The following ATE1 variants were observed in gnomAD, a reference collection of about 807,000 sequenced individuals.
The protein encoded by ATE1 is arginyltransferase 1, also known as arginyl-tRNA--protein transferase 1.
A neutral mutation model predicts 70.5 loss-of-function variants in ATE1; 36 were observed. That is an observed-to-expected ratio of 0.51 (90% CI 0.39 to 0.67). The LOEUF (loss-of-function observed/expected upper bound fraction) is 0.67, where lower values mean the gene tolerates loss of function less well. ATE1 is among the 30% of genes least tolerant of loss of function. ATE1 has a pLI of 0.00. For missense variants in ATE1, 593 were observed against 629.5 expected (o/e 0.94, Z 0.62); for synonymous variants, 232 against 219.3 (o/e 1.06, Z -0.51).
At chr10:121,907,451 C>T (rs1014211626) in intron 5 of ATE1, among the ~76,000 whole-genome samples, 10 of 149,502 alleles carry the variant, frequency 6.7e-5, no homozygotes, top group Admixed American at 5.4e-4. Context: ...GGCAACAGAG[C>T]GAGACTGTGT....
chr10:121,769,585 GA>G (rs1334857721), intron 11 of ATE1, among the ~76,000 whole-genome samples: 1 of 152,022 alleles, frequency 6.6e-6, no homozygotes, highest in Non-Finnish European at 1.5e-5. Context: ...TTTGCTCTGC[GA>G]AAAACCCTGA....
intron 7 of ATE1, among the ~76,000 whole-genome samples, chr10:121,888,191 G>A (rs1235060781): frequency 6.6e-6 from 1 of 152,116 alleles, no homozygotes; most frequent in Non-Finnish European, 1.5e-5. Flanking sequence ...TCAGGAGATC[G>A]AGACCATCCT....
rs146624018 is a variant in ATE1 at position 121,912,223 on chromosome 10, T to C, written c.338-1072A>G. On this transcript the variant is annotated intron_variant, in intron 4 of 11. Transcript: ENST00000224652. ...AACAGACTTTTATCTTTCTTTTAGT[T>C]ATTGCATTTTGGTATCTTTTTGTCA... Among the ~76,000 whole-genome samples, 12 of 152,318 alleles carry C rather than the reference T, an allele frequency of 7.9e-5. No individual in the cohort carries two copies. In the East Asian group the frequency reaches 2.3e-3, roughly 29 times the overall value.
At chr10:121,764,953 G>A (rs1448978645) in intron 11 of ATE1, among the ~76,000 whole-genome samples, 2 of 152,156 alleles carry the variant, frequency 1.3e-5, no homozygotes, top group Non-Finnish European at 2.9e-5. Flanking sequence ...GCTAAAGAAG[G>A]ATAGCAGGGC....
chr10:121,799,205 C>CA (rs573961254), intron 10 of ATE1, among the ~76,000 whole-genome samples: 37 of 152,174 alleles, frequency 2.4e-4, no homozygotes, highest in Admixed American at 2.1e-3. Flanking sequence ...CAGTTGGCCC[C>CA]AATAACGTTC....
chr10:121,902,700 T>G, intron 5 of ATE1, 80 bp from the exon 6 acceptor site: 3 of 1,363,810 alleles, frequency 2.2e-6, no homozygotes, highest in Non-Finnish European at 3.0e-6. Flanking sequence ...GATTCTACAG[T>G]GTAAGTCCAA....
At chr10:121,905,422 T>C (rs1456700251) in intron 5 of ATE1, among the ~76,000 whole-genome samples, 2 of 152,140 alleles carry the variant, frequency 1.3e-5, no homozygotes, top group Non-Finnish European at 2.9e-5. Flanking sequence ...AAACACACAT[T>C]TTCAGCATTT....
At chr10:121,861,298 A>T (rs941474943) in intron 8 of ATE1, among the ~76,000 whole-genome samples, 1 of 152,120 alleles carries the variant, frequency 6.6e-6, no homozygotes, top group African/African-American at 2.4e-5. Flanking sequence ...TTTAATGTTT[A>T]GTTTTTTATT....
At chr10:121,798,806 G>A (rs1398011299) in intron 10 of ATE1, among the ~76,000 whole-genome samples, 1 of 151,906 alleles carries the variant, frequency 6.6e-6, no homozygotes, top group Non-Finnish European at 1.5e-5. Flanking sequence ...GGCTAAGGCA[G>A]GAGGATCACC....
intron 10 of ATE1, among the ~76,000 whole-genome samples, chr10:121,803,389 C>T (rs1042762725): frequency 6.6e-6 from 1 of 152,174 alleles, no homozygotes; most frequent in Non-Finnish European, 1.5e-5. Context: ...AGTTAAGTGA[C>T]TTGATCAAGG....
intron 2 of ATE1, among the ~76,000 whole-genome samples, chr10:121,923,289 G>A (rs771420706): frequency 1.1e-4 from 17 of 152,136 alleles, no homozygotes; most frequent in Non-Finnish European, 2.1e-4. Context: ...GGGCAACATA[G>A]CCAAGATCTT....
At chr10:121,808,031 G>C (rs955041356) in intron 10 of ATE1, among the ~76,000 whole-genome samples, 3 of 151,976 alleles carry the variant, frequency 2.0e-5, no homozygotes, top group African/African-American at 7.3e-5. Context: ...AGAGAGAAAT[G>C]CCGATTTCCA....
intron 2 of ATE1, 132 bp downstream of exon 2, chr10:121,924,134 A>C: frequency 1.4e-6 from 1 of 726,020 alleles, no homozygotes; most frequent in Non-Finnish European, 2.3e-6. Flanking sequence ...GAGACAAAAA[A>C]TCACTACATA....
Position 121,825,263 on chromosome 10 carries a change from G to A in ATE1, c.1257+11455C>T, listed in dbSNP as rs1947961025. On this transcript the variant is annotated intron_variant, in intron 10 of 11. Transcript: ENST00000224652. ...CACAATTAAAATCTGAATGAAGGTT[G>A]AAAGGACTCATTTCTATTGAAGTTT... is the stretch of plus-strand genomic sequence containing the variant. Among the ~76,000 whole-genome samples the A allele has an allele frequency of 2.0e-5, 3 of 152,200 alleles. No homozygotes were observed. In the South Asian group the frequency reaches 6.2e-4, roughly 31 times the overall value.
At chr10:121,814,683 A>G (rs939601162) in intron 10 of ATE1, among the ~76,000 whole-genome samples, 1 of 152,220 alleles carries the variant, frequency 6.6e-6, no homozygotes, top group African/African-American at 2.4e-5. Flanking sequence ...TAAGAAGGAA[A>G]GAAGACCTAA....
chr10:121,863,488 T>C (rs1949550507), intron 8 of ATE1, among the ~76,000 whole-genome samples: 1 of 152,118 alleles, frequency 6.6e-6, no homozygotes, highest in Non-Finnish European at 1.5e-5. Context: ...CCTGACCTTG[T>C]GATCCACCTG....
intron 7 of ATE1, among the ~76,000 whole-genome samples, chr10:121,895,614 C>CAA (rs199916637): frequency 0.14 from 19,690 of 144,328 alleles, 1,465 homozygotes; most frequent in East Asian, 0.19. Context: ...AACTCCGGCT[C>CAA]AAAAAAAAAA....
intron 5 of ATE1, among the ~76,000 whole-genome samples, chr10:121,908,340 C>T (rs1025161864): frequency 6.6e-6 from 1 of 152,098 alleles, no homozygotes; most frequent in Non-Finnish European, 1.5e-5. Flanking sequence ...CCCGTCTCTA[C>T]TAAAAATATA....
intron 11 of ATE1, among the ~76,000 whole-genome samples, chr10:121,776,877 T>C (rs1291079420): frequency 6.6e-6 from 1 of 152,236 alleles, no homozygotes; most frequent in East Asian, 1.9e-4. Flanking sequence ...TTCTGTCTTC[T>C]GATCACAACA....
Sources: gnomAD v4.1 joint callset for allele counts (sites outside exome capture counted in the v4.1 genomes callset) on GRCh38, gnomAD v4.1.1 for gene constraint, MANE v1.5 for transcripts, NCBI Gene and HGNC (gene_info 2026-07-23, HGNC 2026-07-21) for gene names.